The following SLC4A4 variants were observed in gnomAD, a reference collection of about 807,000 sequenced individuals.
SLC4A4 encodes electrogenic sodium bicarbonate cotransporter 1.
A neutral mutation model predicts 111.5 loss-of-function variants in SLC4A4; 27 were observed. That is an observed-to-expected ratio of 0.24 (90% CI 0.18 to 0.33). SLC4A4 has a LOEUF of 0.33. SLC4A4 is among the 10% of genes least tolerant of loss of function. The pLI, the probability that SLC4A4 is intolerant of heterozygous loss-of-function variation, is 1.00. For missense variants in SLC4A4, 909 were observed against 1,315.5 expected, an observed-to-expected ratio of 0.69 and a Z score of 4.78; for synonymous variants, 443 against 463.4, an observed-to-expected ratio of 0.96 and a Z score of 0.57.
At chr4:71,423,953 A>G (rs928826401) in intron 7 of SLC4A4, among the ~76,000 whole-genome samples, 1 of 152,150 alleles carries the variant, frequency 6.6e-6, no homozygotes, top group Non-Finnish European at 1.5e-5. Context: ...TGTCTAAAAC[A>G]CCAAAAGCAA....
intron 3 of SLC4A4, among the ~76,000 whole-genome samples, chr4:71,322,575 G>T (rs778171602): frequency 6.6e-6 from 1 of 151,964 alleles, no homozygotes; most frequent in South Asian, 2.1e-4. Flanking sequence ...AAACCTCGGG[G>T]TATAAATTGT....
intron 20 of SLC4A4, among the ~76,000 whole-genome samples, chr4:71,549,269 A>G (rs1363118345): frequency 6.6e-6 from 1 of 151,844 alleles, no homozygotes; most frequent in Non-Finnish European, 1.5e-5. Flanking sequence ...CCGTTATCCT[A>G]TAGGCACCAG....
intron 14 of SLC4A4, among the ~76,000 whole-genome samples, chr4:71,481,298 A>C (rs1358805787): frequency 4.0e-5 from 6 of 151,674 alleles, no homozygotes; most frequent in Non-Finnish European, 5.9e-5. Context: ...TGTTGCTTAC[A>C]CTTGACCTCA....
intron 3 of SLC4A4, among the ~76,000 whole-genome samples, chr4:71,276,722 C>T (rs1723098520): frequency 6.6e-6 from 1 of 152,046 alleles, no homozygotes; most frequent in African/African-American, 2.4e-5. Flanking sequence ...TATTAAGAGG[C>T]ATCTTGGTTG....
chr4:71,469,681 T>C (rs1278798906), intron 13 of SLC4A4, among the ~76,000 whole-genome samples: 3 of 152,036 alleles, frequency 2.0e-5, no homozygotes, highest in Non-Finnish European at 4.4e-5. Context: ...TAATCATTAC[T>C]GATGATCAAC....
chr4:71,162,241 G>A (rs544410072), intron 2 of SLC4A4, among the ~76,000 whole-genome samples: 27 of 152,136 alleles, frequency 1.8e-4, no homozygotes, highest in Admixed American at 5.9e-4. Context: ...TCCCACCACC[G>A]GCATCAACAT....
chr4:71,403,496 G>T (rs1376496332), intron 7 of SLC4A4, among the ~76,000 whole-genome samples: 2 of 152,144 alleles, frequency 1.3e-5, no homozygotes, highest in African/African-American at 4.8e-5. Flanking sequence ...ATAAAGCAGG[G>T]TAATGTGGAG....
intron 3 of SLC4A4, among the ~76,000 whole-genome samples, chr4:71,316,578 A>T (rs1218336486): frequency 6.6e-6 from 1 of 152,114 alleles, no homozygotes. Flanking sequence ...AAAGTTCCAG[A>T]TACATGTGCC....
At chr4:71,175,649 T>C (rs1277580374) in intron 2 of SLC4A4, among the ~76,000 whole-genome samples, 1 of 152,204 alleles carries the variant, frequency 6.6e-6, no homozygotes, top group Non-Finnish European at 1.5e-5. Context: ...CTGCCATTGC[T>C]GAGGCTTGAG....
Position 71,441,865 on chromosome 4 carries a change from A to T in SLC4A4, c.965+1092A>T, listed in dbSNP as rs139687950. On this transcript the variant is annotated intron_variant, in intron 8 of 25. Coordinates refer to ENST00000264485, the MANE Select transcript of SLC4A4 (RefSeq NM_001098484.3). ...TGTTATTGGACAAATAGCAGTGGAA[A>T]AGAGATGATCATAGCTTATTCACTT... Among the ~76,000 whole-genome samples the T allele has an allele frequency of 1.4e-3, 213 of 152,348 alleles. 2 individuals carry two copies. The highest frequency in any genetic ancestry group is 3.2e-3 in the African/African-American group (133 of 41,576).
chr4:71,567,147 A>G (rs1578202525), intron 25 of SLC4A4, 64 bp downstream of exon 25: 1 of 1,256,898 alleles, frequency 8.0e-7, no homozygotes, highest in South Asian at 1.3e-5. Context: ...AATGTAGTTA[A>G]TGGTGGGTTA....
intron 1 of SLC4A4, among the ~76,000 whole-genome samples, chr4:71,221,866 C>G (rs1424115867): frequency 6.6e-6 from 1 of 152,148 alleles, no homozygotes. Context: ...TGTGTTGATT[C>G]ATTTTTGGAT....
rs369265829 is a variant in SLC4A4 at position 71,393,449 on chromosome 4, C to A, written c.731-4128C>A. On this transcript the variant is annotated intron_variant, in intron 6 of 25. Coordinates refer to ENST00000264485, the MANE Select transcript of SLC4A4 (RefSeq NM_001098484.3). The stretch of plus-strand genomic sequence containing the variant: ...AAAAAATAAAATACTTAGGAATATA[C>A]CTAACGAAGGAGGCGAAAGACATCA... 9.7e-4 allele frequency among the ~76,000 whole-genome samples: 147 copies of A among 152,104 alleles called. 5 individuals carry two copies. The South Asian group carries it at 0.03, about 31-fold the overall frequency.
At chr4:71,466,621 G>T (rs751284167) in intron 13 of SLC4A4, 44 bp downstream of exon 13, 1 of 1,580,528 alleles carries the variant, frequency 6.3e-7, no homozygotes, top group African/African-American at 1.3e-5. Context: ...TTGCTTAATT[G>T]TAGAACCTTT....
intron 16 of SLC4A4, among the ~76,000 whole-genome samples, chr4:71,506,274 G>A (rs561412243): frequency 6.6e-6 from 1 of 152,056 alleles, no homozygotes; most frequent in African/African-American, 2.4e-5. Flanking sequence ...ATTGTTTTGG[G>A]CAGTATGGCC....
At chr4:71,472,651 T>G in intron 13 of SLC4A4, 48 bp from the exon 14 acceptor site, 3 of 1,573,540 alleles carry the variant, frequency 1.9e-6, no homozygotes, top group Non-Finnish European at 2.6e-6. Flanking sequence ...TATTATTCTT[T>G]GTGTTCCAAG....
intron 5 of SLC4A4, among the ~76,000 whole-genome samples, chr4:71,351,115 A>G (rs1729788243): frequency 6.6e-6 from 1 of 152,218 alleles, no homozygotes. Context: ...CAACGCACAA[A>G]GTACTAACTA....
In SLC4A4 at chr4:71,356,983, T is replaced by G. The variant is rs781489153; in HGVS notation, c.551-25T>G. The stretch of plus-strand genomic sequence containing the variant: ...TTTGTGGTCTTGTGACTGAGTTTTG[T>G]TTTTTGCTTTTGTTTTTGTACCAGA... On this transcript the variant is annotated intron_variant, in intron 5 of 25. Coordinates refer to ENST00000264485, the MANE Select transcript of SLC4A4 (RefSeq NM_001098484.3). The G allele has an allele frequency of 3.1e-6, 5 of 1,612,936 alleles. No homozygotes were observed. In the South Asian group the frequency reaches 5.5e-5, roughly 18 times the overall value.
chr4:71,543,606 T>C (rs1191119050), intron 18 of SLC4A4, among the ~76,000 whole-genome samples: 2 of 152,076 alleles, frequency 1.3e-5, no homozygotes, highest in African/African-American at 4.8e-5. Context: ...TTAGTGGAAA[T>C]AGATCCAGAA....
Sources: gnomAD v4.1 joint callset for allele counts (sites outside exome capture counted in the v4.1 genomes callset) on GRCh38, gnomAD v4.1.1 for gene constraint, MANE v1.5 for transcripts, NCBI Gene and HGNC (gene_info 2026-07-23, HGNC 2026-07-21) for gene names.